ANKMY2: variants seen among roughly 807,000 people sequenced by gnomAD.
ANKMY2 encodes ankyrin repeat and MYND domain containing 2, also known as ankyrin repeat and MYND domain-containing protein 2.
Under a neutral mutation model 50.4 loss-of-function variants are expected in ANKMY2, and 36 were observed. The observed-to-expected ratio is 0.71, with a 90% CI of 0.55 to 0.94. ANKMY2 has a LOEUF of 0.94. ANKMY2 is among the 40% of genes least tolerant of loss of function. The pLI, the probability that ANKMY2 is intolerant of heterozygous loss-of-function variation, is 0.00. For synonymous variants in ANKMY2, 187 were observed against 178.8 expected, an observed-to-expected ratio of 1.05 and a Z score of -0.36; for missense variants, 565 against 524.0, an observed-to-expected ratio of 1.08 and a Z score of -0.76.
intron 2 of ANKMY2, among the ~76,000 whole-genome samples, chr7:16,629,606 T>C (rs989474082): frequency 5.3e-5 from 8 of 152,148 alleles, no homozygotes; most frequent in African/African-American, 1.9e-4. Context: ...GCTCTTTTTG[T>C]CATGTGTATA....
intron 4 of ANKMY2, among the ~76,000 whole-genome samples, chr7:16,620,208 GA>G (rs748119194): frequency 6.6e-6 from 1 of 152,172 alleles, no homozygotes; most frequent in Non-Finnish European, 1.5e-5. Flanking sequence ...GGAGGAGAGA[GA>G]GGACAGTAAG....
intron 2 of ANKMY2, among the ~76,000 whole-genome samples, chr7:16,630,397 CAA>C (rs1043398393): frequency 1.3e-5 from 2 of 152,112 alleles, no homozygotes; most frequent in Non-Finnish European, 2.9e-5. Context: ...TGTCATTTCC[CAA>C]AGATAACCTT....
chr7:16,612,038 G>A (rs898956739), intron 5 of ANKMY2, among the ~76,000 whole-genome samples: 2 of 152,160 alleles, frequency 1.3e-5, no homozygotes, highest in East Asian at 3.9e-4. Flanking sequence ...CTTCCTGGTT[G>A]TAAGACAAGA....
At chr7:16,627,336 AT>A (rs769844666) in intron 2 of ANKMY2, among the ~76,000 whole-genome samples, 158 bp from the exon 3 acceptor site, 2 of 152,352 alleles carry the variant, frequency 1.3e-5, no homozygotes, top group Admixed American at 6.5e-5. Context: ...TTGATCTTCC[AT>A]AAACTTCTGA....
chr7:16,612,498 CATTA>C (rs771880416), intron 5 of ANKMY2, among the ~76,000 whole-genome samples: 3 of 152,156 alleles, frequency 2.0e-5, no homozygotes, highest in Non-Finnish European at 4.4e-5. Context: ...AGAAAAGACT[CATTA>C]ATTATCTGTT....
chr7:16,612,937 T>C (rs983902725), intron 5 of ANKMY2, among the ~76,000 whole-genome samples: 1 of 152,254 alleles, frequency 6.6e-6, no homozygotes, highest in Non-Finnish European at 1.5e-5. Flanking sequence ...AAAGGATTGC[T>C]ACCTGAGAAT....
In ANKMY2 at chr7:16,645,505, A is replaced by G; in HGVS notation, c.67+2T>C. On this transcript the variant is annotated splice_donor_variant, in intron 1 of 9. Coordinates refer to ENST00000306999, the MANE Select transcript of ANKMY2 (RefSeq NM_020319.3). LOFTEE classifies it high-confidence loss of function. ...GGCCGCGTCGCAGCCCAGCACCCGT[A>G]CCTTTCCCGATGACTTCCAGTAGCT... 1 of 1,610,244 alleles carries G rather than the reference A, an allele frequency of 6.2e-7. No homozygotes were observed. Among genetic ancestry groups the G allele is most frequent in the South Asian group, 1.1e-5 (1 of 90,564 alleles).
At chr7:16,615,625 C>G in intron 5 of ANKMY2, 119 bp downstream of exon 5, 1 of 1,295,662 alleles carries the variant, frequency 7.7e-7, no homozygotes, top group East Asian at 2.5e-5. Context: ...AAAGAGCCCA[C>G]TGCAAGCTCT....
chr7:16,644,666 G>T (rs1781795352), intron 1 of ANKMY2: 2 of 470,978 alleles, frequency 4.2e-6, no homozygotes, highest in South Asian at 1.5e-5. Flanking sequence ...GAAGAAGCAT[G>T]CAGTCACGCT....
chr7:16,617,591 G>A (rs958009436), intron 4 of ANKMY2, among the ~76,000 whole-genome samples: 3 of 152,116 alleles, frequency 2.0e-5, no homozygotes, highest in African/African-American at 4.8e-5. Context: ...TTCAAGAGCC[G>A]CAGAGAGATT....
chr7:16,640,560 C>G (rs550218937), intron 1 of ANKMY2, among the ~76,000 whole-genome samples: 1 of 152,134 alleles, frequency 6.6e-6, no homozygotes, highest in Non-Finnish European at 1.5e-5. Flanking sequence ...CTTCCTCCAT[C>G]GCCCAAGCTG....
rs1363912432 is a variant in ANKMY2 at position 16,628,907 on chromosome 7, TTAAACAAAACAAAACA to T, written c.133-1745_133-1730del. 6.9e-4 allele frequency among the ~76,000 whole-genome samples: 90 copies of T among 130,618 alleles called. No homozygotes were observed. In the Middle Eastern group the frequency reaches 0.014, roughly 21 times the overall value. The allele number at this position is 130,618 out of a possible 152,430, so 85.7% of individuals were successfully genotyped here. A position where few individuals can be genotyped will look rare whatever the true frequency, so the allele number is the denominator to read the frequency against. ...CCAGACTACAGAACTGGCCTCTAGT[TTAAACAAAACAAAACA>T]AAACAAAACAAAACAAAACAAAACA... On this transcript the variant is annotated intron_variant, in intron 2 of 9. Coordinates refer to ENST00000306999, the MANE Select transcript of ANKMY2 (RefSeq NM_020319.3).
chr7:16,612,557 T>C (rs1781273229), intron 5 of ANKMY2, among the ~76,000 whole-genome samples: 2 of 152,340 alleles, frequency 1.3e-5, no homozygotes, highest in African/African-American at 2.4e-5. Context: ...TTGATCAGTA[T>C]TTTTATATAT....
At chr7:16,609,815 T>C in intron 6 of ANKMY2, 50 bp from the exon 7 acceptor site, 1 of 1,589,054 alleles carries the variant, frequency 6.3e-7, no homozygotes, top group Non-Finnish European at 8.5e-7. Flanking sequence ...CTAAGCATTC[T>C]CTCCTAGTTG....
intron 3 of ANKMY2, among the ~76,000 whole-genome samples, chr7:16,625,979 C>CT (rs536879249): frequency 0.045 from 4,607 of 103,084 alleles, 392 homozygotes; most frequent in African/African-American, 0.13. Context: ...TATAAGAAGT[C>CT]TTTTTTTTTT....
chr7:16,624,937 G>T (rs781390903), intron 4 of ANKMY2, 46 bp downstream of exon 4: 1 of 1,533,112 alleles, frequency 6.5e-7, no homozygotes, highest in Non-Finnish European at 8.9e-7. Context: ...TTTCCACAAG[G>T]GAAATTTTGG....
intron 9 of ANKMY2, 96 bp downstream of exon 9, chr7:16,602,284 T>C: frequency 2.1e-6 from 3 of 1,452,356 alleles, no homozygotes; most frequent in Non-Finnish European, 2.8e-6. Context: ...TGAGCTCCTA[T>C]GGCTTCCAGA....
At chr7:16,615,477 G>A (rs535035883) in intron 5 of ANKMY2, among the ~76,000 whole-genome samples, 3 of 152,112 alleles carry the variant, frequency 2.0e-5, no homozygotes, top group Non-Finnish European at 1.5e-5. Flanking sequence ...CAGAGCTCCC[G>A]GTGGGATGAG....
chr7:16,629,273 C>T (rs1410479157), intron 2 of ANKMY2, among the ~76,000 whole-genome samples: 1 of 152,188 alleles, frequency 6.6e-6, no homozygotes, highest in Non-Finnish European at 1.5e-5. Context: ...CAGTGGCTCA[C>T]GCCTGTAATC....
Sources: gnomAD v4.1 joint callset for allele counts (sites outside exome capture counted in the v4.1 genomes callset) on GRCh38, gnomAD v4.1.1 for gene constraint, MANE v1.5 for transcripts, NCBI Gene and HGNC (gene_info 2026-07-23, HGNC 2026-07-21) for gene names.